NME7: variants seen among roughly 807,000 people sequenced by gnomAD.
NME7 encodes NME/NM23 family member 7.
NME7 carries 41 observed loss-of-function variants against 49.1 expected under a neutral mutation model. That is an observed-to-expected ratio of 0.83 (90% CI 0.65 to 1.08). The LOEUF is 1.08. Among genes scored for constraint, NME7 ranks in the 50% least tolerant of loss-of-function variants. The pLI is 0.00. For synonymous variants in NME7, 139 were observed against 150.6 expected, an observed-to-expected ratio of 0.92 and a Z score of 0.56; for missense variants, 423 against 463.4, an observed-to-expected ratio of 0.91 and a Z score of 0.80.
rs576614187 is a variant in NME7, at chr1:169,309,603, T to A, written c.389+367A>T. On this transcript the variant is annotated intron_variant, in intron 4 of 11. Coordinates refer to ENST00000367811, the MANE Select transcript of NME7 (RefSeq NM_013330.5). ...TTGCTCCTCTTGCTTTTCATGTCCT[T>A]TATTAGAGAAATCCTTTATTTTAAC... Among the ~76,000 whole-genome samples the A allele has an allele frequency of 6.4e-4, 98 of 152,292 alleles. 1 individual carries two copies. Among genetic ancestry groups the A allele is most frequent in the African/African-American group, 2.3e-3 (97 of 41,566 alleles).
chr1:169,316,536 T>C (rs1261206111), intron 3 of NME7, among the ~76,000 whole-genome samples: 2 of 152,184 alleles, frequency 1.3e-5, no homozygotes, highest in African/African-American at 4.8e-5. Flanking sequence ...GCAGATGTGA[T>C]TAAGATTACA....
intron 10 of NME7, among the ~76,000 whole-genome samples, chr1:169,175,866 A>T (rs1659734692): frequency 6.6e-6 from 1 of 152,176 alleles, no homozygotes; most frequent in South Asian, 2.1e-4. Flanking sequence ...CAATGTTACA[A>T]TCATTGTCCT....
intron 1 of NME7, among the ~76,000 whole-genome samples, chr1:169,359,070 T>C (rs746580836): frequency 6.6e-6 from 1 of 152,100 alleles, no homozygotes; most frequent in Non-Finnish European, 1.5e-5. Flanking sequence ...TTGCAGGGGA[T>C]TGGTTCCAGG....
At chr1:169,268,896 A>G (rs554776322) in intron 7 of NME7, among the ~76,000 whole-genome samples, 1 of 133,774 alleles carries the variant, frequency 7.5e-6, no homozygotes, top group South Asian at 2.3e-4. Context: ...CCGAGTCAAG[A>G]GTTTGCCTAC....
In NME7 at chr1:169,243,083, T is replaced by A. The variant is rs193210067; in HGVS notation, c.755-5396A>T. On this transcript the variant is annotated intron_variant, in intron 7 of 11. Coordinates refer to ENST00000367811, the MANE Select transcript of NME7 (RefSeq NM_013330.5). ...ATATGGTAAGATAAAGGAACTAGAA[T>A]AACTAAAACAATTTCAAAAAAGAAA... 1.6e-4 allele frequency among the ~76,000 whole-genome samples: 24 copies of A among 152,134 alleles called. No individual in the cohort carries two copies. The East Asian group carries it at 4.6e-3, about 29-fold the overall frequency.
chr1:169,177,827 TTC>T (rs1388701713), intron 10 of NME7, among the ~76,000 whole-genome samples: 1 of 133,982 alleles, frequency 7.5e-6, no homozygotes, highest in African/African-American at 2.5e-5. Context: ...GGCTCAGCAA[TTC>T]TCTTTTTTTG....
intron 7 of NME7, among the ~76,000 whole-genome samples, chr1:169,246,663 T>A (rs1648329973): frequency 6.6e-6 from 1 of 152,108 alleles, no homozygotes; most frequent in Non-Finnish European, 1.5e-5. Context: ...AAGCTGGACT[T>A]GAACTCCTGG....
At chr1:169,315,256 C>G (rs1651570981) in intron 3 of NME7, among the ~76,000 whole-genome samples, 1 of 150,400 alleles carries the variant, frequency 6.6e-6, no homozygotes. Context: ...TCTTTTCTTT[C>G]TTTCTTTTTT....
At chr1:169,361,456 C>G (rs1445695915) in intron 1 of NME7, among the ~76,000 whole-genome samples, 1 of 152,088 alleles carries the variant, frequency 6.6e-6, no homozygotes, top group Non-Finnish European at 1.5e-5. Flanking sequence ...ATCAGCAATT[C>G]AAGTAACAAA....
intron 10 of NME7, among the ~76,000 whole-genome samples, chr1:169,205,209 T>C (rs568520279): frequency 2.0e-5 from 3 of 152,248 alleles, no homozygotes; most frequent in African/African-American, 7.2e-5. Flanking sequence ...TTCACTACTT[T>C]CTATAATCAG....
intron 4 of NME7, among the ~76,000 whole-genome samples, chr1:169,304,043 T>C (rs1651079211): frequency 6.6e-6 from 1 of 152,190 alleles, no homozygotes. Flanking sequence ...TATGTTTTTA[T>C]TTTATTGGTT....
At chr1:169,184,039 T>C (rs569020534) in intron 10 of NME7, among the ~76,000 whole-genome samples, 1 of 152,232 alleles carries the variant, frequency 6.6e-6, no homozygotes, top group South Asian at 2.1e-4. Context: ...GGAGTTATAT[T>C]CTAAAAGGTA....
At chr1:169,313,596 T>A (rs1651496619) in intron 3 of NME7, among the ~76,000 whole-genome samples, 1 of 152,096 alleles carries the variant, frequency 6.6e-6, no homozygotes, top group African/African-American at 2.4e-5. Context: ...AAAATGCATA[T>A]CTCACATATA....
At chr1:169,214,592 GA>G (rs2101798239) in intron 10 of NME7, among the ~76,000 whole-genome samples, 1 of 152,298 alleles carries the variant, frequency 6.6e-6, no homozygotes, top group African/African-American at 2.4e-5. Flanking sequence ...AAAGAGAAAA[GA>G]AAAAGGCTTT....
rs144727484 is a variant in NME7 at position 169,336,711 on chromosome 1, A to C, written c.4-12211T>G. Among the ~76,000 whole-genome samples, 510 of 151,836 alleles carry C rather than the reference A, an allele frequency of 3.4e-3. 4 individuals are homozygous for C. The highest frequency in any genetic ancestry group is 0.012 in the African/African-American group (487 of 41,354). On this transcript the variant is annotated intron_variant, in intron 1 of 11. Coordinates refer to ENST00000367811, the MANE Select transcript of NME7 (RefSeq NM_013330.5). ...TAAAGGTTCTCCAAGGCCCCACAAGAGCAGCTAGATACAGAGTGTCCATTG... is the reference window on the plus strand; with the variant it reads ...TAAAGGTTCTCCAAGGCCCCACAAGCGCAGCTAGATACAGAGTGTCCATTG...
chr1:169,228,936 C>A (rs1647467997), intron 10 of NME7, among the ~76,000 whole-genome samples: 1 of 152,136 alleles, frequency 6.6e-6, no homozygotes, highest in Admixed American at 6.5e-5. Context: ...AGTATCTATT[C>A]TTTCTCCCTG....
intron 7 of NME7, among the ~76,000 whole-genome samples, chr1:169,249,686 C>A (rs12037211): frequency 0.1 from 15,669 of 151,614 alleles, 856 homozygotes; most frequent in Admixed American, 0.12. Context: ...TTTTTTTATA[C>A]GGGGATGCTG....
At position 169,132,608 on chromosome 1, in the gene NME7, T is replaced by G; in HGVS notation, c.*177A>C. The G allele has an allele frequency of 1.8e-6, 1 of 556,874 alleles. No individual in the cohort carries two copies. Among genetic ancestry groups the G allele is most frequent in the South Asian group, 2.8e-5 (1 of 35,818 alleles). 34.5% of individuals were successfully genotyped at this position (556,874 alleles called of 1,614,324 possible). On this transcript the variant is annotated 3_prime_UTR_variant, in exon 12 of 12. Transcript: ENST00000367811. ...CCATAGACTGGTGTTAAATGTTGTC[T>G]ACAGTGCAAAATCCATGTTCTAACA...
At chr1:169,342,597 C>G (rs181256378) in intron 1 of NME7, among the ~76,000 whole-genome samples, 746 of 34,284 alleles carry the variant, frequency 0.022, 77 homozygotes, top group African/African-American at 0.052. Flanking sequence ...TATACAAGTA[C>G]ATATATATAG....
Sources: allele counts gnomAD v4.1 joint callset (sites outside exome capture counted in the v4.1 genomes callset), GRCh38; gene constraint gnomAD v4.1.1; transcripts MANE v1.5; gene names NCBI Gene and HGNC (gene_info 2026-07-23, HGNC 2026-07-21).